The following MAST4 variants were observed in gnomAD, a reference collection of about 807,000 sequenced individuals.
The protein encoded by MAST4 is microtubule associated serine/threonine kinase family member 4.
Under a neutral mutation model 162.7 loss-of-function variants are expected in MAST4, and 89 were observed. The ratio of observed to expected loss-of-function variants is 0.55; its 90% confidence interval spans 0.46 to 0.65. MAST4 has a LOEUF of 0.65. MAST4 is among the 30% of genes least tolerant of loss of function. The probability of loss-of-function intolerance (pLI) is 0.00; values close to 1 mark genes in which losing one functional copy is unlikely to be tolerated. For synonymous variants in MAST4, 1,479 were observed against 1,361.1 expected, an observed-to-expected ratio of 1.09 and a Z score of -1.91; for missense variants, 3,153 against 3,374.0, an observed-to-expected ratio of 0.93 and a Z score of 1.62.
chr5:67,121,041 C>T lies in MAST4; in HGVS notation c.1684C>T (p.Arg562Ter), dbSNP rs1220527593. 3.1e-6 allele frequency: 5 copies of T among 1,610,898 alleles called. No homozygotes were observed. The highest frequency in any genetic ancestry group is 1.3e-5 in the African/African-American group (1 of 74,852). The change falls in exon 14 of 29, where the codon CGA becomes TGA. Residue 562 changes from arginine to a stop codon, truncating the protein, a stop_gained. Coordinates refer to ENST00000403625, the MANE Select transcript of MAST4 (RefSeq NM_001164664.2). LOFTEE classifies it high-confidence loss of function. ...VSSSNASLKL[R>*]RKPRESDFET... ...GAGCTCTAATGCCTCCCTGAAACTT[C>T]GAAGGAAACCTCGGGAAAGTGATTT... is the stretch of plus-strand genomic sequence containing the variant.
chr5:66,700,187 A>G (rs1749675895), intron 1 of MAST4, among the ~76,000 whole-genome samples: 2 of 152,206 alleles, frequency 1.3e-5, no homozygotes, highest in South Asian at 4.1e-4. Context: ...TTGGCAGCAA[A>G]GAGAATAATT....
intron 3 of MAST4, among the ~76,000 whole-genome samples, chr5:66,819,917 G>GCA (rs1383100817): frequency 6.6e-6 from 1 of 151,370 alleles, no homozygotes; most frequent in Non-Finnish European, 1.5e-5. Flanking sequence ...GGGACTACAG[G>GCA]CACACAGCAC....
At chr5:67,033,346 GC>G (rs755023497) in intron 4 of MAST4, among the ~76,000 whole-genome samples, 1 of 44,434 alleles carries the variant, frequency 2.3e-5, no homozygotes, top group Non-Finnish European at 4.2e-5. Context: ...TGTGTGTGTG[GC>G]TTTTTTTTTT....
intron 5 of MAST4, among the ~76,000 whole-genome samples, chr5:67,079,401 T>C (rs1227629227): frequency 6.6e-6 from 1 of 152,128 alleles, no homozygotes; most frequent in Non-Finnish European, 1.5e-5. Context: ...GGGAGGAATT[T>C]TTTTATACAC....
intron 5 of MAST4, among the ~76,000 whole-genome samples, chr5:67,061,280 AAT>A (rs1448898461): frequency 2.6e-5 from 4 of 152,222 alleles, no homozygotes; most frequent in African/African-American, 7.2e-5. Context: ...AGCCAAACAT[AAT>A]ATCTTACTAT....
intron 1 of MAST4, among the ~76,000 whole-genome samples, chr5:66,628,696 T>C (rs557018799): frequency 2.0e-5 from 3 of 152,278 alleles, no homozygotes; most frequent in African/African-American, 7.2e-5. Flanking sequence ...GCAGATCCTA[T>C]GTATTTGCTG....
chr5:67,089,397 G>A (rs1002781326), intron 5 of MAST4, among the ~76,000 whole-genome samples: 2 of 152,168 alleles, frequency 1.3e-5, no homozygotes, highest in Non-Finnish European at 2.9e-5. Context: ...CTTCCAACGA[G>A]CAATCACTGC....
intron 1 of MAST4, among the ~76,000 whole-genome samples, chr5:66,730,247 C>T (rs1293665736): frequency 6.6e-6 from 1 of 152,094 alleles, no homozygotes; most frequent in East Asian, 1.9e-4. Flanking sequence ...GTGAAATCCC[C>T]AAATCTCCTC....
intron 1 of MAST4, among the ~76,000 whole-genome samples, chr5:66,713,693 G>A (rs1750638451): frequency 6.6e-6 from 1 of 151,978 alleles, no homozygotes; most frequent in Non-Finnish European, 1.5e-5. Flanking sequence ...CCTCTTGTGG[G>A]GTATATTGTG....
At chr5:66,975,895 T>G (rs530271131) in intron 4 of MAST4, among the ~76,000 whole-genome samples, 1 of 152,106 alleles carries the variant, frequency 6.6e-6, no homozygotes, top group Non-Finnish European at 1.5e-5. Context: ...CTCAGGAGAC[T>G]GAGGCATGAA....
rs931479436 is a variant in MAST4, at chr5:66,728,155, G to A, written c.364-31554G>A. On this transcript the variant is annotated intron_variant, in intron 1 of 28. Coordinates refer to ENST00000403625, the MANE Select transcript of MAST4 (RefSeq NM_001164664.2). ...AAATGGCTACTGTTATTTTCTTCCT[G>A]TAACTAAAATATTATGGACATTGGC... Among the ~76,000 whole-genome samples, 5 of 152,104 alleles carry A rather than the reference G, an allele frequency of 3.3e-5. No individual in the cohort carries two copies. The East Asian group carries it at 7.7e-4, about 23-fold the overall frequency.
At chr5:66,973,409 C>G (rs1026423006) in intron 4 of MAST4, among the ~76,000 whole-genome samples, 5 of 152,064 alleles carry the variant, frequency 3.3e-5, no homozygotes, top group Middle Eastern at 3.4e-3. Context: ...TCCCTCAGTA[C>G]TAGACAACTT....
intron 3 of MAST4, among the ~76,000 whole-genome samples, chr5:66,841,277 A>G (rs1233418961): frequency 6.6e-6 from 1 of 152,268 alleles, no homozygotes; most frequent in South Asian, 2.1e-4. Context: ...CAAATTCTAC[A>G]TTTGTGACTC....
At chr5:66,923,568 T>C (rs1429595110) in intron 4 of MAST4, among the ~76,000 whole-genome samples, 1 of 152,238 alleles carries the variant, frequency 6.6e-6, no homozygotes, top group Non-Finnish European at 1.5e-5. Flanking sequence ...GTTCTCTTTT[T>C]CCTGTTTTTT....
rs747351232 is a variant in MAST4, at chr5:67,164,875, A to G, written c.5696A>G (p.Asp1899Gly). 3 of 1,613,996 alleles carry G rather than the reference A, an allele frequency of 1.9e-6. No individual in the cohort carries two copies. Among genetic ancestry groups the G allele is most frequent in the Non-Finnish European group, 2.5e-6 (3 of 1,179,892 alleles). The change falls in exon 29 of 29, where the codon GAC (aspartate) becomes GGC (glycine). Residue 1899 changes from aspartate to glycine, a missense_variant. Physicochemically the swap from Asp to Gly is moderately conservative, Grantham distance 94. Around this residue, in one of 7 missense-constraint regions of MAST4, gnomAD observed 1,644 missense variants for 1,495.0 expected, o/e 1.10. Transcript: ENST00000403625. The surrounding 1 kb of genome is among the most constrained non-coding windows in gnomAD (Gnocchi z 5.3). The stretch of plus-strand genomic sequence containing the variant: ...CTGCCTGACCCAGAGTTCAAGAGGG[A>G]CAGGAAAGGTCCCCATCCTACTGCC... Reference protein sequence around the residue: ...VSLPDPEFKRDRKGPHPTARS... With the variant: ...VSLPDPEFKRGRKGPHPTARS...
At chr5:66,926,993 AG>A (rs1764953474) in intron 4 of MAST4, among the ~76,000 whole-genome samples, 1 of 152,218 alleles carries the variant, frequency 6.6e-6, no homozygotes, top group South Asian at 2.1e-4. Flanking sequence ...GTGAATATAC[AG>A]GTAGGTATTC....
intron 2 of MAST4, among the ~76,000 whole-genome samples, chr5:66,771,094 C>G (rs1248158744): frequency 6.6e-6 from 1 of 152,080 alleles, no homozygotes; most frequent in African/African-American, 2.4e-5. Context: ...TCAACATGCA[C>G]CAGAGAGGAG....
At chr5:66,600,646 CTG>C (rs1328861854) in intron 1 of MAST4, among the ~76,000 whole-genome samples, 5 of 152,182 alleles carry the variant, frequency 3.3e-5, no homozygotes, top group African/African-American at 4.8e-5. Context: ...TTGATTTTGT[CTG>C]TTGTGAATTA....
chr5:67,016,954 G>A (rs1339569491), intron 4 of MAST4, among the ~76,000 whole-genome samples: 1 of 152,168 alleles, frequency 6.6e-6, no homozygotes, highest in East Asian at 1.9e-4. Context: ...TATCTGTTGG[G>A]AGATTTTAGA....
Sources: allele counts gnomAD v4.1 joint callset (sites outside exome capture counted in the v4.1 genomes callset), GRCh38; gene constraint gnomAD v4.1.1; regional missense constraint gnomAD v4.1.1; non-coding constraint Gnocchi (gnomAD v3.1); transcripts MANE v1.5; gene names NCBI Gene and HGNC (gene_info 2026-07-23, HGNC 2026-07-21).